Variants in TASP1 observed in about 807,000 individuals in gnomAD.
The protein encoded by TASP1 is threonine aspartase 1.
TASP1 carries 16 observed loss-of-function variants against 56.6 expected under a neutral mutation model. The observed-to-expected ratio is 0.28, with a 90% confidence interval of 0.19 to 0.43. The LOEUF (loss-of-function observed/expected upper bound fraction) is 0.43. Among genes scored for constraint, TASP1 ranks in the 20% least tolerant of loss-of-function variants. TASP1 has a pLI of 1.00. For synonymous variants in TASP1, 179 were observed against 184.2 expected (o/e 0.97, Z 0.23); for missense variants, 393 against 511.6 (o/e 0.77, Z 2.24).
the TASP1 span, among the ~76,000 whole-genome samples, chr20:13,194,006 T>C: frequency 6.6e-6 from 1 of 152,216 alleles, no homozygotes; most frequent in East Asian, 1.9e-4. Context: ...ATGTAATTTA[T>C]GTAGGTGATA....
At chr20:13,209,500 A>G in the TASP1 span, among the ~76,000 whole-genome samples, 2 of 152,064 alleles carry the variant, frequency 1.3e-5, no homozygotes, top group African/African-American at 4.8e-5. Flanking sequence ...CTTTCTGTAA[A>G]CCTCAGTTAA....
intron 11 of TASP1, among the ~76,000 whole-genome samples, chr20:13,453,788 A>T (rs2043720623): frequency 6.6e-6 from 1 of 152,092 alleles, no homozygotes. Flanking sequence ...AGAAATGGCT[A>T]AGCAAGCAAA....
the TASP1 span, among the ~76,000 whole-genome samples, chr20:13,243,033 T>A: frequency 6.6e-6 from 1 of 152,198 alleles, no homozygotes; most frequent in African/African-American, 2.4e-5. Context: ...GTCACACAGA[T>A]AGCAGAGGTA....
chr20:13,115,122 G>A, the TASP1 span, among the ~76,000 whole-genome samples: 4 of 152,240 alleles, frequency 2.6e-5, no homozygotes, highest in East Asian at 3.9e-4. Flanking sequence ...CTTGTTTTCT[G>A]TATCATTTTT....
At chr20:13,520,504 C>G (rs1351609433) in intron 10 of TASP1, among the ~76,000 whole-genome samples, 4 of 152,022 alleles carry the variant, frequency 2.6e-5, no homozygotes, top group Non-Finnish European at 5.9e-5. Flanking sequence ...ACAAACCTGA[C>G]AAAAACAAGA....
intron 7 of TASP1, among the ~76,000 whole-genome samples, chr20:13,567,733 G>C (rs2046583507): frequency 6.6e-6 from 1 of 152,078 alleles, no homozygotes; most frequent in Non-Finnish European, 1.5e-5. Context: ...AAACCTAAGG[G>C]AAACTGATTT....
the TASP1 span, among the ~76,000 whole-genome samples, chr20:13,328,569 A>G: frequency 1.3e-5 from 2 of 152,252 alleles, no homozygotes; most frequent in South Asian, 2.1e-4. Context: ...ATGCCCATCA[A>G]TGATAGACTG....
At chr20:13,492,072 C>T (rs998835994) in intron 10 of TASP1, among the ~76,000 whole-genome samples, 17 of 152,174 alleles carry the variant, frequency 1.1e-4, no homozygotes, top group African/African-American at 4.1e-4. Flanking sequence ...GCATTCACAG[C>T]AGAGACACAA....
the TASP1 span, among the ~76,000 whole-genome samples, chr20:13,115,681 T>C: frequency 1.3e-5 from 2 of 152,044 alleles, no homozygotes; most frequent in Non-Finnish European, 2.9e-5. Flanking sequence ...ACACAGAACA[T>C]TGTCAAGGGC....
chr20:13,564,846 C>G (rs1025683087), intron 7 of TASP1, among the ~76,000 whole-genome samples: 3 of 146,650 alleles, frequency 2.0e-5, no homozygotes, highest in African/African-American at 5.0e-5. Context: ...ACTAAAAATA[C>G]AAAAAAAAAA....
At chr20:13,119,557 A>T in the TASP1 span, among the ~76,000 whole-genome samples, 3 of 152,178 alleles carry the variant, frequency 2.0e-5, no homozygotes, top group Non-Finnish European at 2.9e-5. Context: ...TCATTTTCTT[A>T]TCTCTTAAAA....
chr20:13,404,606 AAAGT>A lies in TASP1; in HGVS notation c.1170+12838_1170+12841del, dbSNP rs150285577. 7.4e-3 allele frequency among the ~76,000 whole-genome samples: 1,126 copies of A among 152,292 alleles called. 14 individuals carry two copies. The highest frequency in any genetic ancestry group is 0.025 in the African/African-American group (1,055 of 41,534). ...GGTGATACAGTGAGATCCTGTCTCTAAAGTAAGTAAGTAAATAAATAAATTGCAT... is the reference window on the plus strand; with the variant it reads ...GGTGATACAGTGAGATCCTGTCTCTAAAGTAAGTAAATAAATAAATTGCAT... On this transcript the variant is annotated intron_variant, in intron 13 of 13. Transcript: ENST00000337743.
the TASP1 span, among the ~76,000 whole-genome samples, chr20:13,364,066 G>A: frequency 1.3e-5 from 2 of 151,656 alleles, no homozygotes; most frequent in Admixed American, 6.6e-5. Flanking sequence ...AAATATGCAT[G>A]CACTAAAAAA....
At chr20:13,417,634 C>A in intron 12 of TASP1, 113 bp from the exon 13 acceptor site, 1 of 1,086,636 alleles carries the variant, frequency 9.2e-7, no homozygotes. Context: ...CTCAGTTCCC[C>A]ACTTTCCATT....
intron 4 of TASP1, among the ~76,000 whole-genome samples, chr20:13,617,522 T>C (rs1463772756): frequency 6.6e-6 from 1 of 152,082 alleles, no homozygotes. Flanking sequence ...GTGAGCTAAA[T>C]GCATCAAGCT....
At chr20:13,325,280 T>C in the TASP1 span, among the ~76,000 whole-genome samples, 4 of 152,328 alleles carry the variant, frequency 2.6e-5, no homozygotes, top group East Asian at 7.7e-4. Context: ...AGGTCTCTTC[T>C]GAAATGCGAG....
At chr20:13,551,918 C>T (rs1421173295) in intron 8 of TASP1, among the ~76,000 whole-genome samples, 1 of 152,080 alleles carries the variant, frequency 6.6e-6, no homozygotes, top group Non-Finnish European at 1.5e-5. Flanking sequence ...GAGGCCATGG[C>T]AATTTTGTAA....
chr20:13,329,004 TA>T, the TASP1 span, among the ~76,000 whole-genome samples: 184 of 152,332 alleles, frequency 1.2e-3, no homozygotes, highest in East Asian at 7.7e-4. Context: ...AACCTAATTT[TA>T]AAAAGTAAAA....
At chr20:13,565,310 A>C (rs2046488374) in intron 7 of TASP1, among the ~76,000 whole-genome samples, 1 of 152,154 alleles carries the variant, frequency 6.6e-6, no homozygotes, top group South Asian at 2.1e-4. Flanking sequence ...ACATAGGGGA[A>C]AGGTTGGATA....
Sources: allele counts gnomAD v4.1 joint callset (sites outside exome capture counted in the v4.1 genomes callset), GRCh38; gene constraint gnomAD v4.1.1; transcripts MANE v1.5; gene names NCBI Gene and HGNC (gene_info 2026-07-23, HGNC 2026-07-21).